Variants in RFC5 observed in about 807,000 individuals in gnomAD.
RFC5 encodes the protein A1 36 kDa subunit.
In RFC5, 26 loss-of-function variants were observed where a neutral mutation model predicts 44.3. The ratio of observed to expected loss-of-function variants is 0.59; its 90% CI spans 0.43 to 0.81. The LOEUF (loss-of-function observed/expected upper bound fraction) is 0.81. RFC5 is among the 40% of genes least tolerant of loss of function. RFC5 has a pLI of 0.00. For synonymous variants in RFC5, 155 were observed against 155.2 expected (o/e 1.00, Z 0.01); for missense variants, 328 against 418.6 (o/e 0.78, Z 1.89).
At chr12:118,035,301 A>G (rs1329590261), downstream of RFC5, 1 of 1,614,216 alleles carries the variant, frequency 6.2e-7, no homozygotes, top group East Asian at 2.2e-5. Flanking sequence ...ACTGTCATCC[A>G]TGGCGGGGTC....
downstream of RFC5, chr12:118,033,081 T>C (rs1037324075): frequency 2.0e-5 from 3 of 152,216 alleles, no homozygotes; most frequent in African/African-American, 7.2e-5. Flanking sequence ...GAATAAGATG[T>C]TGTATTTCTT....
intron 6 of RFC5, chr12:118,025,467 C>G: frequency 2.4e-6 from 1 of 412,956 alleles, no homozygotes; most frequent in East Asian, 4.0e-5. Context: ...CCTCTGTCCT[C>G]CCCAGAGAGC....
At chr12:118,025,111 C>A in intron 6 of RFC5, 101 bp downstream of exon 6, 1 of 1,154,966 alleles carries the variant, frequency 8.7e-7, no homozygotes. Context: ...TGGAAAACGA[C>A]TTTGCAGAGT....
Position 118,016,819 on chromosome 12 carries a change from C to T in RFC5, c.-9C>T. Reference sequence around the variant, plus strand: ...TCTCAGCGGATCTGGTCACCTTCGTCTCCCCGCCATGGAGACCTCAGCACT... The same window carrying T: ...TCTCAGCGGATCTGGTCACCTTCGTTTCCCCGCCATGGAGACCTCAGCACT... On this transcript the variant is annotated 5_prime_UTR_variant, in exon 1 of 11. Transcript: ENST00000454402. 6.2e-7 allele frequency: 1 copy of T among 1,610,586 alleles called. No homozygotes were observed. Among genetic ancestry groups the T allele is most frequent in the Non-Finnish European group, 8.5e-7 (1 of 1,178,526 alleles).
downstream of RFC5, chr12:118,034,860 T>C: frequency 1.2e-6 from 1 of 815,954 alleles, no homozygotes; most frequent in South Asian, 2.0e-5. Flanking sequence ...GAGTTTTATA[T>C]AATCTTGAAT....
intron 10 of RFC5, 27 bp from the exon 11 acceptor site, chr12:118,031,155 T>G: frequency 6.4e-7 from 1 of 1,555,152 alleles, no homozygotes; most frequent in Non-Finnish European, 8.9e-7. Flanking sequence ...GTGTCTTTTT[T>G]CTTACCCTGT....
chr12:118,030,020 CA>C (rs1188952342), intron 10 of RFC5, among the ~76,000 whole-genome samples, 195 bp downstream of exon 10: 1 of 152,090 alleles, frequency 6.6e-6, no homozygotes, highest in Non-Finnish European at 1.5e-5. Context: ...ATTCACAGGT[CA>C]AGTACAGATC....
intron 5 of RFC5, among the ~76,000 whole-genome samples, chr12:118,024,538 G>A (rs2030798126): frequency 2.0e-5 from 3 of 151,308 alleles, no homozygotes; most frequent in Admixed American, 1.3e-4. Context: ...CAATTCTCCT[G>A]CCTCAGCCTC....
In RFC5 at chr12:118,031,795, T is replaced by A. The variant is rs935607265; in HGVS notation, c.*517T>A. ...TAAGATGAGCTGAATCCTCTTACTT[T>A]AAAAACTGGTCTTTTTATTTACCCT... is the stretch of plus-strand genomic sequence containing the variant. On this transcript the variant is annotated 3_prime_UTR_variant, in exon 11 of 11. Transcript: ENST00000454402. 2 of 152,262 alleles carry A rather than the reference T, an allele frequency of 1.3e-5. No individual in the cohort carries two copies. The highest frequency in any genetic ancestry group is 4.8e-5 in the African/African-American group (2 of 41,464). 9.4% of individuals were successfully genotyped at this position (152,262 alleles called of 1,614,324 possible). A position where few individuals can be genotyped will look rare whatever the true frequency, so the allele number is the denominator to read the frequency against.
At chr12:118,036,674 A>G (rs936415357), downstream of RFC5, among the ~76,000 whole-genome samples, 3 of 152,176 alleles carry the variant, frequency 2.0e-5, no homozygotes, top group African/African-American at 7.2e-5. Flanking sequence ...AGGTTTAAAT[A>G]AGGCAACTGG....
chr12:118,036,343 T>C (rs771048773), downstream of RFC5: 1 of 1,613,594 alleles, frequency 6.2e-7, no homozygotes, highest in South Asian at 1.1e-5. Flanking sequence ...CTTACTGGAG[T>C]GACCTCAGCC....
At chr12:118,027,218 A>T (rs748681402) in intron 8 of RFC5, 200 bp downstream of exon 8, 6 of 564,032 alleles carry the variant, frequency 1.1e-5, no homozygotes, top group Non-Finnish European at 1.6e-5. Context: ...GAGGGCTCTG[A>T]CCTTCAAGTC....
At chr12:118,027,783 A>C (rs574198658) in intron 8 of RFC5, among the ~76,000 whole-genome samples, 170 bp from the exon 9 acceptor site, 19 of 152,324 alleles carry the variant, frequency 1.2e-4, no homozygotes, top group Middle Eastern at 3.4e-3. Flanking sequence ...TGAAACAAAG[A>C]AAAATAAAGA....
the RFC5 span, among the ~76,000 whole-genome samples, chr12:118,039,426 G>A: frequency 3.3e-5 from 5 of 152,132 alleles, no homozygotes; most frequent in Non-Finnish European, 7.3e-5. Context: ...CGAGATGCAG[G>A]GAAAAATCGT....
At chr12:118,029,271 AG>A (rs2031160926) in intron 9 of RFC5, among the ~76,000 whole-genome samples, 1 of 148,848 alleles carries the variant, frequency 6.7e-6, no homozygotes, top group Non-Finnish European at 1.5e-5. Flanking sequence ...AGTACAAAAC[AG>A]CCAGGCAAGG....
At chr12:118,030,323 T>C (rs1245921795) in intron 10 of RFC5, among the ~76,000 whole-genome samples, 1 of 152,162 alleles carries the variant, frequency 6.6e-6, no homozygotes, top group Non-Finnish European at 1.5e-5. Context: ...CAACTCTAAT[T>C]TGTGGCATTG....
Position 118,024,783 on chromosome 12 carries a change from A to G in RFC5, c.422-68A>G. 5.7e-6 allele frequency: 8 copies of G among 1,391,386 alleles called. No individual in the cohort carries two copies. The South Asian group carries it at 9.3e-5, about 16-fold the overall frequency. 86.2% of individuals were successfully genotyped at this position (1,391,386 alleles called of 1,614,324 possible). The stretch of plus-strand genomic sequence containing the variant: ...ACCCTTGTGACCACAGAAAAATTCA[A>G]GTTTTCTGGGCTCTCTGAAAAATCA... On this transcript the variant is annotated intron_variant, in intron 5 of 10. Coordinates refer to ENST00000454402, the MANE Select transcript of RFC5 (RefSeq NM_007370.7).
intron 5 of RFC5, 43 bp downstream of exon 5, chr12:118,022,402 T>C: frequency 7.6e-7 from 1 of 1,319,888 alleles, no homozygotes; most frequent in Non-Finnish European, 1.1e-6. Flanking sequence ...GTGTGCACAC[T>C]GGAAGGAGAA....
In RFC5 at chr12:118,019,085, C is replaced by T. The variant is rs779753498; in HGVS notation, c.79C>T (p.Arg27Trp). 6.2e-6 allele frequency: 10 copies of T among 1,609,586 alleles called. No homozygotes were observed. Among genetic ancestry groups the T allele is most frequent in the East Asian group, 2.2e-5 (1 of 44,878 alleles). Residue 27 changes from arginine to tryptophan, a missense_variant, in exon 2 of 11, where the codon CGG becomes TGG. Arg to Trp is a moderately radical substitution (Grantham distance 101). Coordinates refer to ENST00000454402, the MANE Select transcript of RFC5 (RefSeq NM_007370.7). The surrounding 1 kb of genome is among the most constrained non-coding windows in gnomAD (Gnocchi z 4.2). ...ATTGTATTTCAGGGTTGAAAAATACCGGCCACAGACCCTGAATGATCTCAT... is the reference window on the plus strand; with the variant it reads ...ATTGTATTTCAGGGTTGAAAAATACTGGCCACAGACCCTGAATGATCTCAT... The part of the protein sequence containing the change: ...IRNLPWVEKY[R>W]PQTLNDLISH...
Sources: gnomAD v4.1 joint callset for allele counts (sites outside exome capture counted in the v4.1 genomes callset) on GRCh38, gnomAD v4.1.1 for gene constraint, Gnocchi (gnomAD v3.1) non-coding constraint, MANE v1.5 for transcripts, NCBI Gene and HGNC (gene_info 2026-07-23, HGNC 2026-07-21) for gene names.